Variants in COPG2 observed in about 807,000 individuals in gnomAD.
COPG2 encodes the protein coatomer subunit gamma-2.
In COPG2, 37 loss-of-function variants were observed where a neutral mutation model predicts 46.3. That is an observed-to-expected ratio of 0.80 (90% CI 0.61 to 1.05). COPG2 has a LOEUF of 1.05. COPG2 is among the 50% of genes least tolerant of loss of function. COPG2 has a pLI of 0.00. For missense variants in COPG2, 427 were observed against 387.8 expected (o/e 1.10, Z -0.85); for synonymous variants, 159 against 129.7 (o/e 1.23, Z -1.53).
chr7:130,535,954 T>C (rs1172723576), intron 20 of COPG2, among the ~76,000 whole-genome samples: 7 of 151,758 alleles, frequency 4.6e-5, no homozygotes, highest in African/African-American at 1.7e-4. Flanking sequence ...GACCACCAAA[T>C]GGGAAGTCTC....
intron 9 of COPG2, chr7:130,607,439 T>C (rs1554451430): frequency 2.3e-6 from 1 of 440,642 alleles, no homozygotes; most frequent in Admixed American, 2.6e-5. Flanking sequence ...TTTTACCATC[T>C]ATTAAACATT....
intron 20 of COPG2, among the ~76,000 whole-genome samples, chr7:130,546,481 G>C (rs1042169009): frequency 6.6e-6 from 1 of 152,204 alleles, no homozygotes; most frequent in African/African-American, 2.4e-5. Context: ...GAGCTCAAAG[G>C]AGAAATATTG....
intron 20 of COPG2, among the ~76,000 whole-genome samples, chr7:130,543,351 A>G (rs2116374479): frequency 6.6e-6 from 1 of 152,356 alleles, no homozygotes; most frequent in South Asian, 2.1e-4. Context: ...CCCTTGATCC[A>G]CAGTATGGAA....
rs902628319 is a variant in COPG2, at chr7:130,508,320, T to C, written c.2247+242A>G. ...TTTCATCTCTTAATTATCCCTATTA[T>C]AAAGAAAAAAAAGGGTGAGTTTGTT... On this transcript the variant is annotated intron_variant, in intron 21 of 23. Coordinates refer to ENST00000425248, the MANE Select transcript of COPG2 (RefSeq NM_012133.6). The C allele has an allele frequency of 1.1e-4, 44 of 394,732 alleles. No homozygotes were observed. The Middle Eastern group carries it at 2.8e-3, about 25-fold the overall frequency. 24.5% of individuals were successfully genotyped at this position (394,732 alleles called of 1,614,324 possible). A position where few individuals can be genotyped will look rare whatever the true frequency, so the allele number is the denominator to read the frequency against.
chr7:130,542,766 A>T (rs1298529268), intron 20 of COPG2, among the ~76,000 whole-genome samples: 1 of 152,126 alleles, frequency 6.6e-6, no homozygotes, highest in Non-Finnish European at 1.5e-5. Flanking sequence ...ATGGTAAAAG[A>T]AGGGACAGGA....
At chr7:130,546,059 A>T (rs1406967242) in intron 20 of COPG2, among the ~76,000 whole-genome samples, 1 of 152,202 alleles carries the variant, frequency 6.6e-6, no homozygotes, top group Non-Finnish European at 1.5e-5. Flanking sequence ...CAAGGGATTG[A>T]TTCTTCAATG....
At chr7:130,570,097 T>C (rs1424602022) in intron 9 of COPG2, among the ~76,000 whole-genome samples, 1 of 152,140 alleles carries the variant, frequency 6.6e-6, no homozygotes, top group Non-Finnish European at 1.5e-5. Flanking sequence ...ACAGTTGGCA[T>C]TATACTGAAC....
At chr7:130,600,063 A>T (rs1341638941) in intron 9 of COPG2, among the ~76,000 whole-genome samples, 1 of 152,212 alleles carries the variant, frequency 6.6e-6, no homozygotes, top group Non-Finnish European at 1.5e-5. Context: ...ACATTTTTAT[A>T]CTTGATTTCT....
intron 5 of COPG2, among the ~76,000 whole-genome samples, chr7:130,635,675 T>C (rs1342375958): frequency 1.3e-5 from 2 of 152,358 alleles, no homozygotes; most frequent in African/African-American, 4.8e-5. Context: ...CATTGATTTT[T>C]TGAAGGATTT....
intron 14 of COPG2, among the ~76,000 whole-genome samples, chr7:130,554,142 T>G (rs1238937976): frequency 6.6e-6 from 1 of 152,150 alleles, no homozygotes; most frequent in African/African-American, 2.4e-5. Flanking sequence ...TCTATTCATA[T>G]GCTAAGGGAA....
In COPG2 at chr7:130,518,479, G is replaced by C. The variant is rs964370214; in HGVS notation, c.2150-9820C>G. On this transcript the variant is annotated intron_variant, in intron 20 of 23. Transcript: ENST00000425248. ...GAGAAGATGATCTGTATTTGGTATG[G>C]AGCAGGTGGGTGGCATTGAGGGAGT... Among the ~76,000 whole-genome samples, 1,308 of 152,256 alleles carry C rather than the reference G, an allele frequency of 8.6e-3. 7 individuals are homozygous for C. Among genetic ancestry groups the C allele is most frequent in the Non-Finnish European group, 0.012 (849 of 68,014 alleles).
intron 20 of COPG2, among the ~76,000 whole-genome samples, chr7:130,530,921 G>A (rs975024350): frequency 1.3e-5 from 2 of 151,814 alleles, no homozygotes; most frequent in Admixed American, 1.3e-4. Flanking sequence ...GCAAGGTTCG[G>A]CATAGGGAAC....
intron 5 of COPG2, among the ~76,000 whole-genome samples, chr7:130,617,973 T>C (rs1171316814): frequency 6.6e-6 from 1 of 151,570 alleles, no homozygotes; most frequent in Non-Finnish European, 1.5e-5. Flanking sequence ...TTGTGGGGTG[T>C]GCCTGTAGTC....
chr7:130,575,964 G>T (rs1410671069), intron 9 of COPG2, among the ~76,000 whole-genome samples: 2 of 152,184 alleles, frequency 1.3e-5, no homozygotes. Context: ...GCAGTTAAAA[G>T]AGACAAAGGG....
At chr7:130,656,227 C>A (rs1418219702) in intron 4 of COPG2, among the ~76,000 whole-genome samples, 2 of 150,048 alleles carry the variant, frequency 1.3e-5, no homozygotes, top group African/African-American at 4.9e-5. Flanking sequence ...TCTTTTCGCA[C>A]AATTAGTTTG....
chr7:130,522,392 T>G (rs983795943), intron 20 of COPG2, among the ~76,000 whole-genome samples: 2 of 152,200 alleles, frequency 1.3e-5, no homozygotes, highest in East Asian at 3.9e-4. Flanking sequence ...AGGTGGAATC[T>G]TGCCACCTGT....
At chr7:130,593,157 T>C (rs782033667) in intron 9 of COPG2, among the ~76,000 whole-genome samples, 1 of 152,362 alleles carries the variant, frequency 6.6e-6, no homozygotes, top group South Asian at 2.1e-4. Flanking sequence ...TCAGGTCAGG[T>C]TTCTACTGCA....
intron 4 of COPG2, among the ~76,000 whole-genome samples, chr7:130,661,125 T>A (rs1447590859): frequency 1.3e-5 from 2 of 152,262 alleles, no homozygotes; most frequent in Non-Finnish European, 2.9e-5. Context: ...AGGCTATTAG[T>A]CCTATCGAAC....
At chr7:130,531,971 G>A (rs1036548966) in intron 20 of COPG2, among the ~76,000 whole-genome samples, 76 of 152,268 alleles carry the variant, frequency 5.0e-4, no homozygotes, top group African/African-American at 1.8e-3. Context: ...AATGAACGCA[G>A]ACAATAGCGA....
Sources: gnomAD v4.1 joint callset for allele counts (sites outside exome capture counted in the v4.1 genomes callset) on GRCh38, gnomAD v4.1.1 for gene constraint, MANE v1.5 for transcripts, NCBI Gene and HGNC (gene_info 2026-07-23, HGNC 2026-07-21) for gene names.